Variants in CCDC57 observed in about 807,000 individuals in gnomAD.
The protein encoded by CCDC57 is coiled-coil domain-containing protein 57.
Under a neutral mutation model 118.9 loss-of-function variants are expected in CCDC57, and 118 were observed. That is an observed-to-expected ratio of 0.99 (90% CI 0.86 to 1.16). CCDC57 has a LOEUF of 1.16. Among genes scored for constraint, CCDC57 ranks in the 50% most tolerant of loss-of-function variants. The probability of loss-of-function intolerance (pLI) is 0.00; values close to 1 mark genes in which losing one functional copy is unlikely to be tolerated. For missense variants in CCDC57, 1,300 were observed against 1,320.7 expected, an observed-to-expected ratio of 0.98 and a Z score of 0.24; for synonymous variants, 527 against 532.9, an observed-to-expected ratio of 0.99 and a Z score of 0.15.
intron 1 of CCDC57, chr17:82,208,095 A>AGAAG (rs1426138139): frequency 6.6e-6 from 1 of 152,164 alleles, no homozygotes; most frequent in African/African-American, 2.4e-5. Flanking sequence ...AAATACACAG[A>AGAAG]GAAGGGGTTT....
chr17:82,151,901 C>T (rs756269261), intron 15 of CCDC57, 128 bp from the exon 15 acceptor site: 20 of 746,626 alleles, frequency 2.7e-5, no homozygotes, highest in Non-Finnish European at 3.6e-5. Context: ...CACTGGGTGA[C>T]ATCCTTCCAA....
intron 16 of CCDC57, among the ~76,000 whole-genome samples, chr17:82,148,246 A>ATGGATGGATGGATGGATGG (rs2041164218): frequency 7.4e-6 from 1 of 135,092 alleles, no homozygotes; most frequent in Non-Finnish European, 1.6e-5. Context: ...AGATGGGTAG[A>ATGGATGGATGGATGGATGG]TGGATGGATG....
exon 8 of CCDC57, chr17:82,188,323 C>T: frequency 6.2e-7 from 1 of 1,607,066 alleles, no homozygotes; most frequent in Non-Finnish European, 8.5e-7. Flanking sequence ...GCTCCAGAAC[C>T]CTGGTCTGCA....
At chr17:82,151,758 C>T (rs2042094539) in exon 16 of CCDC57, 2 of 1,549,980 alleles carry the variant, frequency 1.3e-6, no homozygotes, top group African/African-American at 1.4e-5. Flanking sequence ...TCCATAGGCC[C>T]TCTCTTGGTG....
rs371639508 is a variant in CCDC57 at position 82,212,392 on chromosome 17, C to T, written c.-211+393G>A. Among the ~76,000 whole-genome samples the T allele has an allele frequency of 1.6e-3, 27 of 17,212 alleles. No homozygotes were observed. The highest frequency in any genetic ancestry group is 2.1e-3 in the African/African-American group (5 of 2,384). 11.3% of individuals were successfully genotyped at this position (17,212 alleles called of 152,430 possible). On this transcript the variant is annotated intron_variant, in intron 1 of 19. Transcript: ENST00000665763. The surrounding 1 kb of genome is among the most constrained non-coding windows in gnomAD (Gnocchi z 4.1). The stretch of plus-strand genomic sequence containing the variant: ...ACCACCGCCTCCGGCCTTTTTTTTT[C>T]CTCTCTTTTTTTTTTTTTTTTTTTA...
chr17:82,182,739 G>A (rs1461175238), intron 9 of CCDC57, among the ~76,000 whole-genome samples: 1 of 151,788 alleles, frequency 6.6e-6, no homozygotes, highest in Non-Finnish European at 1.5e-5. Flanking sequence ...AGGCTGGAAT[G>A]CAGTGGCACG....
chr17:82,101,761 C>A lies in CCDC57; in HGVS notation c.3005G>T (p.Gly1002Val). ...TTTTGCAGGATGAGACCGGGAGGCT[C>A]CTGTGGTCTTGGCCTTTGCCTGGGC... Residue 1002 changes from glycine to valine, a missense_variant, in exon 20 of 20, where the codon GGA (glycine) becomes GTA (valine). Transcript: ENST00000665763. 2.5e-6 allele frequency: 4 copies of A among 1,610,042 alleles called. No individual in the cohort carries two copies. In the South Asian group the frequency reaches 3.3e-5, roughly 13 times the overall value.
At chr17:82,134,348 T>C in intron 16 of CCDC57, 154 bp from the exon 16 acceptor site, 2 of 620,334 alleles carry the variant, frequency 3.2e-6, no homozygotes, top group Non-Finnish European at 4.7e-6. Flanking sequence ...CGGACAACAG[T>C]GAACTGTGAC....
intron 19 of CCDC57, among the ~76,000 whole-genome samples, chr17:82,102,551 G>GT (rs2034524818): frequency 6.6e-6 from 1 of 152,100 alleles, no homozygotes; most frequent in African/African-American, 2.4e-5. Flanking sequence ...AGAATGTGGG[G>GT]GTTTTTTTTG....
exon 9 of CCDC57, chr17:82,183,914 T>A: frequency 6.2e-7 from 1 of 1,613,676 alleles, no homozygotes; most frequent in South Asian, 1.1e-5. Flanking sequence ...ATTTTACAGT[T>A]GATGCATCTT....
intron 8 of CCDC57, 93 bp from the exon 8 acceptor site, chr17:82,184,025 GCGCGCGCACACACACACACACA>G (rs2046578240): frequency 3.1e-5 from 12 of 388,334 alleles, no homozygotes; most frequent in African/African-American, 1.4e-4. Context: ...ATGCGCGCGC[GCGCGCGCACACACACACACACA>G]CACACACACA....
At chr17:82,198,744 A>G (rs1599414698) in intron 3 of CCDC57, among the ~76,000 whole-genome samples, 1 of 152,024 alleles carries the variant, frequency 6.6e-6, no homozygotes, top group East Asian at 1.9e-4. Flanking sequence ...TAATCCCAGC[A>G]CTTTGGGAGG....
intron 8 of CCDC57, among the ~76,000 whole-genome samples, chr17:82,187,739 A>AG (rs2047140251): frequency 1.6e-5 from 1 of 62,752 alleles, no homozygotes; most frequent in East Asian, 5.2e-4. Context: ...CGTTGGGGGA[A>AG]CTGGCGGGGG....
intron 19 of CCDC57, among the ~76,000 whole-genome samples, chr17:82,120,904 C>T (rs998663444): frequency 3.3e-5 from 5 of 152,274 alleles, no homozygotes; most frequent in Middle Eastern, 3.4e-3. Flanking sequence ...TACAGGCGTC[C>T]GCCACCACGC....
Position 82,134,740 on chromosome 17 carries a change from G to A in CCDC57, c.2456-546C>T, listed in dbSNP as rs1005877638. 2.0e-5 allele frequency among the ~76,000 whole-genome samples: 3 copies of A among 152,084 alleles called. No individual in the cohort carries two copies. The South Asian group carries it at 6.2e-4, about 32-fold the overall frequency. On this transcript the variant is annotated intron_variant, in intron 16 of 19. Transcript: ENST00000665763. ...ACCCGGGAGGCAGAGGTTGCAGCGA[G>A]CCGAGATCATGCCACTGCACTCCAT...
chr17:82,146,465 G>A (rs941771466), intron 16 of CCDC57, among the ~76,000 whole-genome samples: 2 of 151,918 alleles, frequency 1.3e-5, no homozygotes, highest in Non-Finnish European at 2.9e-5. Context: ...CTGCAGCCCC[G>A]ACCTCCTGCG....
intron 6 of CCDC57, 33 bp from the exon 6 acceptor site, chr17:82,193,863 A>C (rs1411063950): frequency 6.4e-7 from 1 of 1,572,654 alleles, no homozygotes; most frequent in Non-Finnish European, 8.6e-7. Flanking sequence ...GGAAGGAGCA[A>C]GTGAGATGAA....
At chr17:82,140,243 G>A (rs1265455702) in intron 16 of CCDC57, among the ~76,000 whole-genome samples, 3 of 152,192 alleles carry the variant, frequency 2.0e-5, no homozygotes, top group Admixed American at 1.3e-4. Flanking sequence ...CCGCCACCAC[G>A]CCCAGCTAAT....
intron 16 of CCDC57, among the ~76,000 whole-genome samples, chr17:82,135,969 A>C (rs1401106488): frequency 6.6e-6 from 1 of 152,196 alleles, no homozygotes; most frequent in African/African-American, 2.4e-5. Context: ...TTCTTAATTA[A>C]AAAAAACCCC....
Sources: allele counts gnomAD v4.1 joint callset (sites outside exome capture counted in the v4.1 genomes callset), GRCh38; gene constraint gnomAD v4.1.1; non-coding constraint Gnocchi (gnomAD v3.1); transcripts MANE v1.5; gene names NCBI Gene and HGNC (gene_info 2026-07-23, HGNC 2026-07-21).